IL12RB2: variants seen among roughly 807,000 people sequenced by gnomAD.
IL12RB2 encodes the protein interleukin 12 receptor subunit beta 2, also known as interleukin-12 receptor subunit beta-2.
Under a neutral mutation model 89.4 loss-of-function variants are expected in IL12RB2, and 82 were observed. The observed-to-expected ratio is 0.92, with a 90% confidence interval of 0.77 to 1.10. The LOEUF is 1.10. IL12RB2 is among the 50% of genes least tolerant of loss of function. The probability of loss-of-function intolerance (pLI) is 0.00; values close to 1 mark genes in which losing one functional copy is unlikely to be tolerated. For synonymous variants in IL12RB2, 368 were observed against 370.1 expected, an observed-to-expected ratio of 0.99 and a Z score of 0.07; for missense variants, 963 against 1,031.9, an observed-to-expected ratio of 0.93 and a Z score of 0.92.
At chr1:67,330,876 T>C (rs996202712) in intron 8 of IL12RB2, 66 bp downstream of exon 8, 5 of 878,504 alleles carry the variant, frequency 5.7e-6, no homozygotes, top group Non-Finnish European at 9.8e-6. Context: ...GAAGATGTAA[T>C]GATTTCCTTG....
At chr1:67,370,357 G>T (rs1217977777) in intron 11 of IL12RB2, among the ~76,000 whole-genome samples, 1 of 152,096 alleles carries the variant, frequency 6.6e-6, no homozygotes, top group Non-Finnish European at 1.5e-5. Flanking sequence ...TGTCCTGTCT[G>T]GGTGAAAATG....
intron 9 of IL12RB2, among the ~76,000 whole-genome samples, chr1:67,342,091 C>G (rs935412627): frequency 6.6e-6 from 1 of 152,190 alleles, no homozygotes; most frequent in African/African-American, 2.4e-5. Context: ...AGGGAGTTAT[C>G]TAAGTGTCAG....
At chr1:67,370,016 C>T (rs1249125514) in intron 11 of IL12RB2, among the ~76,000 whole-genome samples, 1 of 103,794 alleles carries the variant, frequency 9.6e-6, no homozygotes, top group African/African-American at 3.0e-5. Context: ...AGTGAGACTC[C>T]ATCTGAAAAA....
intron 16 of IL12RB2, among the ~76,000 whole-genome samples, chr1:67,393,085 G>A (rs563736662): frequency 6.6e-6 from 1 of 152,312 alleles, no homozygotes; most frequent in South Asian, 2.1e-4. Flanking sequence ...AAGGTGGACT[G>A]TTTTTAGAAA....
intron 9 of IL12RB2, among the ~76,000 whole-genome samples, chr1:67,349,768 G>A (rs1453728569): frequency 6.6e-6 from 1 of 152,180 alleles, no homozygotes; most frequent in Non-Finnish European, 1.5e-5. Context: ...ATGCAGCTGT[G>A]GGGCCAACCA....
At chr1:67,322,677 G>GAAAT (rs1179678137) in intron 4 of IL12RB2, among the ~76,000 whole-genome samples, 15 of 150,952 alleles carry the variant, frequency 9.9e-5, no homozygotes, top group African/African-American at 3.4e-4. Context: ...ACAAGAGAAA[G>GAAAT]AAGAACTTAA....
Position 67,396,331 on chromosome 1 carries a change from G to A in IL12RB2, c.*242G>A. 1.0e-5 allele frequency: 6 copies of A among 584,096 alleles called. No individual in the cohort carries two copies. The highest frequency in any genetic ancestry group is 9.8e-5 in the South Asian group (5 of 50,930). The allele number at this position is 584,096 out of a possible 1,614,324, so 36.2% of individuals were successfully genotyped here. On this transcript the variant is annotated 3_prime_UTR_variant, in exon 17 of 17. Coordinates refer to ENST00000674203, the MANE Select transcript of IL12RB2 (RefSeq NM_001374259.2). Reference sequence around the variant, plus strand: ...ACATCCTTCACTGTGTGGACCTAGAGACTCCAACTTGAATTCCTAGTAACT... The same window carrying A: ...ACATCCTTCACTGTGTGGACCTAGAAACTCCAACTTGAATTCCTAGTAACT...
chr1:67,374,476 C>CTTT (rs34836285), intron 13 of IL12RB2, among the ~76,000 whole-genome samples: 1 of 136,574 alleles, frequency 7.3e-6, no homozygotes, highest in African/African-American at 2.7e-5. Context: ...TCTGTTTATT[C>CTTT]TTTTTTTTTT....
chr1:67,385,711 A>C (rs1346331406), intron 14 of IL12RB2, among the ~76,000 whole-genome samples: 2 of 152,246 alleles, frequency 1.3e-5, no homozygotes, highest in African/African-American at 4.8e-5. Flanking sequence ...ATAGGAAAGA[A>C]TAGGCACAAT....
intron 5 of IL12RB2, 34 bp downstream of exon 5, chr1:67,326,883 G>A: frequency 7.3e-7 from 1 of 1,377,878 alleles, no homozygotes; most frequent in Non-Finnish European, 9.5e-7. Flanking sequence ...CAGCTGTTTT[G>A]TAGATCTTCT....
intron 10 of IL12RB2, among the ~76,000 whole-genome samples, chr1:67,358,515 G>A (rs1311182696): frequency 2.6e-5 from 4 of 152,066 alleles, no homozygotes; most frequent in Non-Finnish European, 4.4e-5. Context: ...GACACATGTT[G>A]CAGTGAGCCA....
At chr1:67,391,349 TAAC>T (rs1338691704) in intron 16 of IL12RB2, among the ~76,000 whole-genome samples, 3 of 138,094 alleles carry the variant, frequency 2.2e-5, no homozygotes, top group African/African-American at 8.1e-5. Flanking sequence ...ACAGTGATAA[TAAC>T]AGCAGTGTGT....
intron 15 of IL12RB2, among the ~76,000 whole-genome samples, chr1:67,387,298 A>G (rs1665303811): frequency 6.6e-6 from 1 of 152,154 alleles, no homozygotes. Flanking sequence ...TCAGAAAAGA[A>G]AAATATTTGA....
chr1:67,344,017 A>C (rs1438830790), intron 9 of IL12RB2, among the ~76,000 whole-genome samples: 3 of 152,226 alleles, frequency 2.0e-5, no homozygotes, highest in African/African-American at 7.2e-5. Flanking sequence ...GCAAGAGGAC[A>C]GGAGTAGGAG....
chr1:67,309,927 C>A (rs1160692959), intron 1 of IL12RB2, among the ~76,000 whole-genome samples: 5 of 152,104 alleles, frequency 3.3e-5, no homozygotes, highest in Admixed American at 2.0e-4. Flanking sequence ...GTAATCCCAG[C>A]ACTTTGGGAG....
At chr1:67,377,207 G>A (rs1383866112) in intron 13 of IL12RB2, among the ~76,000 whole-genome samples, 1 of 152,170 alleles carries the variant, frequency 6.6e-6, no homozygotes, top group Non-Finnish European at 1.5e-5. Flanking sequence ...ACTCTTTGAG[G>A]CAGATTCTTT....
intron 4 of IL12RB2, among the ~76,000 whole-genome samples, chr1:67,324,760 A>T (rs1657065006): frequency 6.6e-6 from 1 of 152,254 alleles, no homozygotes; most frequent in Admixed American, 6.5e-5. Context: ...GGGAGAAGTG[A>T]TCAAGTCCTT....
At chr1:67,337,913 A>AAAAAGAAAAG (rs746289063) in intron 8 of IL12RB2, among the ~76,000 whole-genome samples, 4 of 144,706 alleles carry the variant, frequency 2.8e-5, no homozygotes, top group Non-Finnish European at 6.0e-5. Context: ...AAAAAAAAAA[A>AAAAAGAAAAG]AAAAGAAAAG....
At position 67,395,979 on chromosome 1, in the gene IL12RB2, A is replaced by G. The variant is rs762516061; in HGVS notation, c.2479A>G (p.Ile827Val). Residue 827 changes from isoleucine to valine, a missense_variant, in exon 17 of 17, where the codon ATC becomes GTC. Coordinates refer to ENST00000674203, the MANE Select transcript of IL12RB2 (RefSeq NM_001374259.2). Reference sequence around the variant, plus strand: ...TCTGGAAGAACTGGAGCCTCAGCACATCTCCCTTTCTGTTTTCCCCTCAAG... The same window carrying G: ...TCTGGAAGAACTGGAGCCTCAGCACGTCTCCCTTTCTGTTTTCCCCTCAAG... ...DSLEELEPQH[I>V]SLSVFPSSSL... is the part of the protein sequence containing the mutation. 1.9e-6 allele frequency: 3 copies of G among 1,605,376 alleles called. No individual in the cohort carries two copies. In the African/African-American group the frequency reaches 4.0e-5, roughly 21 times the overall value.
Sources: allele counts gnomAD v4.1 joint callset (sites outside exome capture counted in the v4.1 genomes callset), GRCh38; gene constraint gnomAD v4.1.1; transcripts MANE v1.5; gene names NCBI Gene and HGNC (gene_info 2026-07-23, HGNC 2026-07-21).